RBFOX1: variants seen among roughly 807,000 people sequenced by gnomAD.
RBFOX1 encodes RNA binding fox-1 homolog 1.
In RBFOX1, 8 loss-of-function variants were observed where a neutral mutation model predicts 57.7. The observed-to-expected ratio is 0.14, with a 90% CI of 0.08 to 0.25. The LOEUF (loss-of-function observed/expected upper bound fraction) is 0.25. Among genes scored for constraint, RBFOX1 ranks in the 10% least tolerant of loss-of-function variants. RBFOX1 has a pLI of 1.00. For missense variants in RBFOX1, 611 were observed against 548.5 expected, an observed-to-expected ratio of 1.11 and a Z score of -1.14; for synonymous variants, 326 against 222.4, an observed-to-expected ratio of 1.47 and a Z score of -4.15.
chr16:5,819,808 T>C (rs1274511765), intron 3 of RBFOX1, among the ~76,000 whole-genome samples: 1 of 152,238 alleles, frequency 6.6e-6, no homozygotes, highest in Non-Finnish European at 1.5e-5. Context: ...TGCTAGATCA[T>C]GCCCTAGGCA....
chr16:5,283,557 C>A (rs1176828670), intron 1 of RBFOX1, among the ~76,000 whole-genome samples: 1 of 152,136 alleles, frequency 6.6e-6, no homozygotes, highest in Non-Finnish European at 1.5e-5. Context: ...CCATGGGAGC[C>A]CACCTCTTAC....
chr16:5,833,510 A>AG (rs1283470404), intron 3 of RBFOX1, among the ~76,000 whole-genome samples: 1 of 151,652 alleles, frequency 6.6e-6, no homozygotes, highest in African/African-American at 2.4e-5. Flanking sequence ...AAAAAAAAAA[A>AG]AAAAAGAAAG....
intron 3 of RBFOX1, among the ~76,000 whole-genome samples, chr16:5,705,892 A>G (rs1193179263): frequency 6.6e-6 from 1 of 152,152 alleles, no homozygotes; most frequent in African/African-American, 2.4e-5. Flanking sequence ...CAGACACATG[A>G]ACTGATCGTG....
At chr16:6,970,014 C>G (rs1332281055) in intron 3 of RBFOX1, among the ~76,000 whole-genome samples, 2 of 151,316 alleles carry the variant, frequency 1.3e-5, no homozygotes, top group African/African-American at 2.4e-5. Context: ...ATAGCAAGAC[C>G]CCATTTAAAA....
At chr16:5,435,301 C>G (rs1013735918) in intron 1 of RBFOX1, among the ~76,000 whole-genome samples, 1 of 152,124 alleles carries the variant, frequency 6.6e-6, no homozygotes, top group Non-Finnish European at 1.5e-5. Flanking sequence ...GCATGTGGAT[C>G]TGTTTCCCCA....
At chr16:6,723,702 G>T (rs770744676) in intron 3 of RBFOX1, 1 of 152,034 alleles carries the variant, frequency 6.6e-6, no homozygotes, top group Non-Finnish European at 1.5e-5. Context: ...CAAGGAATGA[G>T]TTACAGAAAG....
intron 1 of RBFOX1, among the ~76,000 whole-genome samples, chr16:6,186,530 GGGA>G (rs962534808): frequency 4.6e-5 from 7 of 152,140 alleles, no homozygotes; most frequent in Non-Finnish European, 1.5e-5. Context: ...GAGAGGGGCG[GGGA>G]GGAGTGTGAG....
chr16:6,827,373 T>G (rs1415549748), intron 3 of RBFOX1, among the ~76,000 whole-genome samples: 1 of 152,110 alleles, frequency 6.6e-6, no homozygotes, highest in Admixed American at 6.5e-5. Flanking sequence ...TTGTGTGCCT[T>G]ATCTGACCCA....
Position 7,506,411 on chromosome 16 carries a change from C to T in RBFOX1, c.28-11736C>T, listed in dbSNP as rs566929380. Reference sequence around the variant, plus strand: ...GCTTGAAAAAGAAGATAAAAATATGCGGTGTGTTGGATTCTTGTTAAATGA... The same window carrying T: ...GCTTGAAAAAGAAGATAAAAATATGTGGTGTGTTGGATTCTTGTTAAATGA... On this transcript the variant is annotated intron_variant, in intron 4 of 15. Transcript: ENST00000550418. Among the ~76,000 whole-genome samples the T allele has an allele frequency of 1.7e-3, 258 of 152,064 alleles. 3 individuals carry two copies. The highest frequency in any genetic ancestry group is 6.8e-3 in the Middle Eastern group (2 of 294).
intron 1 of RBFOX1, among the ~76,000 whole-genome samples, chr16:5,424,546 C>T (rs1353981147): frequency 3.1e-4 from 45 of 145,674 alleles, no homozygotes; most frequent in Non-Finnish European, 5.7e-4. Context: ...TTTTTTTTAG[C>T]GTTTATTTTA....
chr16:5,895,242 G>A (rs924346054), intron 4 of RBFOX1, among the ~76,000 whole-genome samples: 1 of 152,186 alleles, frequency 6.6e-6, no homozygotes, highest in Non-Finnish European at 1.5e-5. Context: ...CAGTTTCATG[G>A]GGGATGATAA....
intron 13 of RBFOX1, chr16:7,671,549 C>A: frequency 6.2e-7 from 1 of 1,605,194 alleles, no homozygotes; most frequent in Non-Finnish European, 8.5e-7. Context: ...ATTTCTGTTT[C>A]CTTATAGAGT....
chr16:6,281,793 G>T (rs932530422), intron 1 of RBFOX1, among the ~76,000 whole-genome samples: 4 of 152,252 alleles, frequency 2.6e-5, no homozygotes, highest in East Asian at 1.9e-4. Flanking sequence ...CTCTTAGAAA[G>T]CCTCCAAGGA....
intron 4 of RBFOX1, among the ~76,000 whole-genome samples, chr16:7,336,992 A>C (rs552467480): frequency 6.6e-6 from 1 of 152,322 alleles, no homozygotes; most frequent in South Asian, 2.1e-4. Flanking sequence ...GGCTTTACAT[A>C]ATCAGCATTT....
chr16:5,866,354 C>T (rs1159642190), intron 3 of RBFOX1, among the ~76,000 whole-genome samples: 1 of 152,220 alleles, frequency 6.6e-6, no homozygotes, highest in Non-Finnish European at 1.5e-5. Context: ...TTCCAAAGGT[C>T]CAGTCTCCAA....
intron 3 of RBFOX1, among the ~76,000 whole-genome samples, chr16:5,739,673 A>G (rs1260884481): frequency 6.6e-6 from 1 of 152,234 alleles, no homozygotes; most frequent in Non-Finnish European, 1.5e-5. Context: ...TGTGCACCCT[A>G]AGCTTCAAAC....
At chr16:5,764,380 C>G (rs531067287) in intron 3 of RBFOX1, among the ~76,000 whole-genome samples, 1 of 152,310 alleles carries the variant, frequency 6.6e-6, no homozygotes, top group Admixed American at 6.5e-5. Context: ...TGAGTAGATG[C>G]CAGCACCCAG....
At position 5,576,572 on chromosome 16, in the gene RBFOX1, G is replaced by A. The variant is rs1013504308; in HGVS notation, c.259-22330G>A. ...GATGTGTATCCTGCCCCTTTCCCCCGTAGACCCTAATGAGGTTTTGCATTA... is the reference window on the plus strand; with the variant it reads ...GATGTGTATCCTGCCCCTTTCCCCCATAGACCCTAATGAGGTTTTGCATTA... On this transcript the variant is annotated intron_variant, in intron 2 of 2. Transcript: ENST00000585867. 3.3e-5 allele frequency among the ~76,000 whole-genome samples: 5 copies of A among 152,192 alleles called. 1 individual carries two copies. Among genetic ancestry groups the A allele is most frequent in the South Asian group, 4.2e-4 (2 of 4,814 alleles).
intron 4 of RBFOX1, among the ~76,000 whole-genome samples, chr16:6,003,329 A>C (rs1300887088): frequency 3.3e-5 from 5 of 150,804 alleles, no homozygotes; most frequent in Admixed American, 2.6e-4. Flanking sequence ...AAATGAGATC[A>C]AGACGTTTGT....
Sources: allele counts gnomAD v4.1 joint callset (sites outside exome capture counted in the v4.1 genomes callset), GRCh38; gene constraint gnomAD v4.1.1; transcripts MANE v1.5; gene names NCBI Gene and HGNC (gene_info 2026-07-23, HGNC 2026-07-21).